RAP1GDS1: variants seen among roughly 807,000 people sequenced by gnomAD.
The protein encoded by RAP1GDS1 is Rap1 GTPase-GDP dissociation stimulator 1.
A neutral mutation model predicts 71.1 loss-of-function variants in RAP1GDS1; 35 were observed. The observed-to-expected ratio is 0.49, with a 90% CI of 0.38 to 0.65. RAP1GDS1 has a LOEUF of 0.65. Among genes scored for constraint, RAP1GDS1 ranks in the 30% least tolerant of loss-of-function variants. RAP1GDS1 has a pLI of 0.00. For missense variants in RAP1GDS1, 663 were observed against 706.1 expected (o/e 0.94, Z 0.69); for synonymous variants, 229 against 243.1 (o/e 0.94, Z 0.54).
intron 2 of RAP1GDS1, among the ~76,000 whole-genome samples, chr4:98,309,734 A>G (rs879163881): frequency 1.3e-5 from 2 of 151,982 alleles, no homozygotes; most frequent in Admixed American, 1.3e-4. Flanking sequence ...TTTGCTATAC[A>G]AGAGTATCTT....
At chr4:98,346,839 C>T (rs374316878) in intron 3 of RAP1GDS1, among the ~76,000 whole-genome samples, 6 of 152,194 alleles carry the variant, frequency 3.9e-5, no homozygotes, top group South Asian at 4.2e-4. Context: ...CCACTGCGCC[C>T]GGCCAGTACT....
chr4:98,272,759 G>T (rs1357221718), intron 1 of RAP1GDS1, among the ~76,000 whole-genome samples: 2 of 152,012 alleles, frequency 1.3e-5, no homozygotes, highest in African/African-American at 2.4e-5. Context: ...TCCAATCACT[G>T]AACTGGTCAT....
chr4:98,290,490 C>G (rs1227445251), intron 1 of RAP1GDS1, among the ~76,000 whole-genome samples: 1 of 152,022 alleles, frequency 6.6e-6, no homozygotes, highest in African/African-American at 2.4e-5. Context: ...AAGAAAGGAA[C>G]TGATAGCTAA....
chr4:98,342,639 A>C (rs1439623044), intron 2 of RAP1GDS1, among the ~76,000 whole-genome samples: 1 of 152,170 alleles, frequency 6.6e-6, no homozygotes, highest in Non-Finnish European at 1.5e-5. Context: ...AAAACATAGG[A>C]GTCATAGGAA....
chr4:98,407,631 A>C (rs1229014737), intron 7 of RAP1GDS1, among the ~76,000 whole-genome samples: 1 of 152,202 alleles, frequency 6.6e-6, no homozygotes, highest in Admixed American at 6.5e-5. Context: ...CTATGTGTAC[A>C]CAAAGGCATA....
At chr4:98,425,056 A>G (rs10010718) in intron 12 of RAP1GDS1, among the ~76,000 whole-genome samples, 2 of 152,010 alleles carry the variant, frequency 1.3e-5, no homozygotes, top group African/African-American at 4.8e-5. Context: ...AACCCCTACA[A>G]GCTAGAAAGG....
At chr4:98,264,103 A>G (rs1301808695) in intron 1 of RAP1GDS1, among the ~76,000 whole-genome samples, 7 of 152,210 alleles carry the variant, frequency 4.6e-5, no homozygotes. Context: ...CTCAAGAAAT[A>G]AATAAGGTTG....
At chr4:98,340,072 C>A (rs751318426) in intron 2 of RAP1GDS1, among the ~76,000 whole-genome samples, 199 of 131,828 alleles carry the variant, frequency 1.5e-3, no homozygotes, top group Middle Eastern at 0.01. Flanking sequence ...TGCTTATACA[C>A]TGCTGGTGGG....
At chr4:98,357,399 A>T (rs1426142902) in intron 4 of RAP1GDS1, among the ~76,000 whole-genome samples, 1 of 151,952 alleles carries the variant, frequency 6.6e-6, no homozygotes, top group Non-Finnish European at 1.5e-5. Context: ...CATCATGTGT[A>T]TAAGAATAAA....
Position 98,328,617 on chromosome 4 carries a change from T to G in RAP1GDS1, c.113-14522T>G, listed in dbSNP as rs564216311. Among the ~76,000 whole-genome samples, 183 of 152,174 alleles carry G rather than the reference T, an allele frequency of 1.2e-3. 1 individual carries two copies. Among genetic ancestry groups the G allele is most frequent in the Non-Finnish European group, 2.2e-3 (153 of 68,030 alleles). ...TTTAAAACAATGCACAGAGCTACAATCTAATAAGGATGTGTTTTATAGTTT... is the reference window on the plus strand; with the variant it reads ...TTTAAAACAATGCACAGAGCTACAAGCTAATAAGGATGTGTTTTATAGTTT... On this transcript the variant is annotated intron_variant, in intron 2 of 14. Coordinates refer to ENST00000408927, the MANE Select transcript of RAP1GDS1 (RefSeq NM_001100427.2).
At chr4:98,296,425 C>T (rs1208025172) in intron 2 of RAP1GDS1, among the ~76,000 whole-genome samples, 1 of 151,066 alleles carries the variant, frequency 6.6e-6, no homozygotes, top group African/African-American at 2.4e-5. Context: ...CTCTCTGTAA[C>T]GTTTATACTA....
intron 2 of RAP1GDS1, among the ~76,000 whole-genome samples, chr4:98,334,365 G>T (rs1005101292): frequency 6.6e-6 from 1 of 152,002 alleles, no homozygotes; most frequent in Non-Finnish European, 1.5e-5. Flanking sequence ...ATGAGTTTAG[G>T]GTTAAATATT....
intron 1 of RAP1GDS1, among the ~76,000 whole-genome samples, chr4:98,276,499 A>G (rs1033071303): frequency 1.4e-5 from 2 of 147,348 alleles, no homozygotes; most frequent in Admixed American, 6.8e-5. Context: ...TTTTTTTTGC[A>G]TATTGAGTAA....
chr4:98,408,092 A>T (rs1746415651), intron 7 of RAP1GDS1, among the ~76,000 whole-genome samples: 1 of 141,934 alleles, frequency 7.0e-6, no homozygotes, highest in South Asian at 2.2e-4. Context: ...CATATATTTT[A>T]TATATATATA....
intron 4 of RAP1GDS1, among the ~76,000 whole-genome samples, chr4:98,373,062 T>C (rs1194595651): frequency 1.3e-5 from 2 of 152,256 alleles, no homozygotes; most frequent in Non-Finnish European, 2.9e-5. Flanking sequence ...TTTATCATTT[T>C]CAGTGCACTA....
intron 1 of RAP1GDS1, among the ~76,000 whole-genome samples, chr4:98,269,173 C>CAAAAAAA (rs56015226): frequency 1.4e-4 from 8 of 56,874 alleles, no homozygotes; most frequent in African/African-American, 2.7e-4. Flanking sequence ...AATTGATCTT[C>CAAAAAAA]AAAAAAAAAA....
chr4:98,356,893 A>G (rs911252993), intron 4 of RAP1GDS1, among the ~76,000 whole-genome samples: 2 of 151,986 alleles, frequency 1.3e-5, no homozygotes, highest in African/African-American at 4.8e-5. Context: ...AAACATATGC[A>G]TGTATCCGTT....
At chr4:98,423,528 A>G (rs1560999174) in intron 12 of RAP1GDS1, among the ~76,000 whole-genome samples, 1 of 151,682 alleles carries the variant, frequency 6.6e-6, no homozygotes, top group South Asian at 2.1e-4. Flanking sequence ...TGTTTTCTTT[A>G]TTTTTTGTTT....
At chr4:98,393,724 A>C (rs949073198) in intron 6 of RAP1GDS1, among the ~76,000 whole-genome samples, 2 of 152,196 alleles carry the variant, frequency 1.3e-5, no homozygotes, top group Admixed American at 1.3e-4. Flanking sequence ...TGAAATATGA[A>C]GTCTCAATTG....
Sources: allele counts gnomAD v4.1 joint callset (sites outside exome capture counted in the v4.1 genomes callset), GRCh38; gene constraint gnomAD v4.1.1; transcripts MANE v1.5; gene names NCBI Gene and HGNC (gene_info 2026-07-23, HGNC 2026-07-21).